MBNL2: variants seen among roughly 807,000 people sequenced by gnomAD.
The protein encoded by MBNL2 is muscleblind like splicing regulator 2, also known as muscleblind-like protein 2.
In MBNL2, 17 loss-of-function variants were observed where a neutral mutation model predicts 41.9. The observed-to-expected ratio is 0.41, with a 90% CI of 0.28 to 0.61. The LOEUF (loss-of-function observed/expected upper bound fraction) is 0.61. Among genes scored for constraint, MBNL2 ranks in the 20% least tolerant of loss-of-function variants. The pLI, the probability that MBNL2 is intolerant of heterozygous loss-of-function variation, is 0.35. For missense variants in MBNL2, 336 were observed against 505.6 expected (o/e 0.66, Z 3.22); for synonymous variants, 195 against 182.9 (o/e 1.07, Z -0.53).
rs1484290354 is a variant in MBNL2, at chr13:97,334,065, GT to G, written c.175-209del. Among the ~76,000 whole-genome samples the G allele has an allele frequency of 6.6e-6, 1 of 151,888 alleles. No individual in the cohort carries two copies. The highest frequency in any genetic ancestry group is 1.5e-5 in the Non-Finnish European group (1 of 67,990). Reference sequence around the variant, plus strand: ...CTCAGGAAGCTTCTCTACTTAACATGTTCTTAAGATTAGCAACCTTGATAAT... The same window carrying G: ...CTCAGGAAGCTTCTCTACTTAACATGTCTTAAGATTAGCAACCTTGATAAT... On this transcript the variant is annotated intron_variant, in intron 2 of 8. Transcript: ENST00000679496. The surrounding 1 kb of genome is among the most constrained non-coding windows in gnomAD (Gnocchi z 5.3).
intron 4 of MBNL2, among the ~76,000 whole-genome samples, chr13:97,345,359 T>C (rs1397775682): frequency 6.6e-6 from 1 of 152,240 alleles, no homozygotes; most frequent in Non-Finnish European, 1.5e-5. Flanking sequence ...ATAAGCAACA[T>C]GCATATGTTA....
the MBNL2 span, among the ~76,000 whole-genome samples, chr13:97,143,866 CAG>C: frequency 8.6e-5 from 13 of 152,002 alleles, no homozygotes; most frequent in African/African-American, 2.9e-4. Flanking sequence ...TTTTTTGAGA[CAG>C]AGTCTTGCTC....
chr13:97,258,703 C>CT (rs1322786211), intron 1 of MBNL2, among the ~76,000 whole-genome samples: 5 of 152,292 alleles, frequency 3.3e-5, no homozygotes, highest in Non-Finnish European at 4.4e-5. Flanking sequence ...AGGTTCTGTG[C>CT]TAGAATAATT....
the MBNL2 span, among the ~76,000 whole-genome samples, chr13:97,156,415 C>T: frequency 6.9e-5 from 10 of 145,596 alleles, no homozygotes; most frequent in African/African-American, 2.6e-4. Context: ...TCCCATTTGT[C>T]AATTTTGGCT....
At chr13:97,200,049 C>T in the MBNL2 span, among the ~76,000 whole-genome samples, 1 of 152,218 alleles carries the variant, frequency 6.6e-6, no homozygotes, top group African/African-American at 2.4e-5. Context: ...TAGGAGTCTA[C>T]ATTGATGAAT....
At chr13:97,238,764 G>T (rs970738657) in intron 1 of MBNL2, among the ~76,000 whole-genome samples, 4 of 152,196 alleles carry the variant, frequency 2.6e-5, no homozygotes, top group African/African-American at 7.2e-5. Flanking sequence ...AGCAAGTTTA[G>T]GTTGGAGGGC....
At chr13:97,186,217 T>C in the MBNL2 span, among the ~76,000 whole-genome samples, 25 of 152,318 alleles carry the variant, frequency 1.6e-4, no homozygotes, top group South Asian at 5.2e-3. Context: ...TTTAGACCCA[T>C]ACTTATTAGG....
At chr13:97,151,388 C>T in the MBNL2 span, among the ~76,000 whole-genome samples, 1 of 152,044 alleles carries the variant, frequency 6.6e-6, no homozygotes, top group African/African-American at 2.4e-5. Flanking sequence ...AAGTATATTT[C>T]TTCAAGGAGG....
chr13:97,230,974 A>G (rs2042301635), intron 1 of MBNL2, among the ~76,000 whole-genome samples: 1 of 152,226 alleles, frequency 6.6e-6, no homozygotes, highest in African/African-American at 2.4e-5. Context: ...ACCAATAATT[A>G]TCAATACTTC....
the MBNL2 span, among the ~76,000 whole-genome samples, chr13:97,182,320 A>G: frequency 6.6e-6 from 1 of 152,252 alleles, no homozygotes. Context: ...TGGACGAAGG[A>G]AGTCATAAAT....
the MBNL2 span, among the ~76,000 whole-genome samples, chr13:97,186,853 G>A: frequency 1.3e-5 from 2 of 152,158 alleles, no homozygotes; most frequent in Non-Finnish European, 2.9e-5. Context: ...AAAAAAGGGG[G>A]TGGAAAGGGT....
At chr13:97,374,062 C>CCTT (rs1594284568) in intron 8 of MBNL2, among the ~76,000 whole-genome samples, 2 of 53,398 alleles carry the variant, frequency 3.7e-5, no homozygotes, top group African/African-American at 1.5e-4. Context: ...TCCTCCTTTG[C>CCTT]ATTTTTTTTT....
intron 2 of MBNL2, among the ~76,000 whole-genome samples, chr13:97,303,187 T>C (rs2057800331): frequency 6.6e-6 from 1 of 152,098 alleles, no homozygotes; most frequent in African/African-American, 2.4e-5. Context: ...GGCTTTGGGA[T>C]CATGAGTTCC....
rs1192546543 is a variant in MBNL2, at chr13:97,268,299, A to C, written c.-604-7333A>C. ...CTATTTTTTGTAGACATGGGGTTTC[A>C]CCATGCTTTCCAGGCTGGTCTGGAA... On this transcript the variant is annotated intron_variant, in intron 1 of 8. Transcript: ENST00000679496. The surrounding 1 kb of genome is among the most constrained non-coding windows in gnomAD (Gnocchi z 4.6). Among the ~76,000 whole-genome samples the C allele has an allele frequency of 4.6e-5, 7 of 152,070 alleles. No homozygotes were observed. The highest frequency in any genetic ancestry group is 1.7e-4 in the African/African-American group (7 of 41,396).
chr13:97,353,440 T>G (rs1050014783), intron 5 of MBNL2, among the ~76,000 whole-genome samples: 2 of 152,172 alleles, frequency 1.3e-5, no homozygotes, highest in Admixed American at 1.3e-4. Flanking sequence ...ACAGGAGTGA[T>G]GAATAGAGTT....
At position 97,378,704 on chromosome 13, in the gene MBNL2, C is replaced by T. The variant is rs78408322; in HGVS notation, c.1049-12618C>T. On this transcript the variant is annotated intron_variant, in intron 8 of 8. Transcript: ENST00000679496. ...CCAACATACGGGGTGCCATACAGATCGTATAATATTTAAGTTAACCATAGT... is the reference window on the plus strand; with the variant it reads ...CCAACATACGGGGTGCCATACAGATTGTATAATATTTAAGTTAACCATAGT... 4.3e-3 allele frequency among the ~76,000 whole-genome samples: 647 copies of T among 151,778 alleles called. 5 individuals are homozygous for T. The highest frequency in any genetic ancestry group is 0.015 in the African/African-American group (619 of 41,342).
intron 1 of MBNL2, among the ~76,000 whole-genome samples, chr13:97,238,724 GGTGAGCAGAGAAGAGGCA>G (rs373146613): frequency 1.1e-3 from 175 of 152,300 alleles, no homozygotes; most frequent in African/African-American, 4.1e-3. Flanking sequence ...GGGAGATGGC[GGTGAGCAGAGAAGAGGCA>G]GGGATAAAGT....
chr13:97,327,328 G>T (rs183419325), intron 2 of MBNL2, among the ~76,000 whole-genome samples: 1 of 151,806 alleles, frequency 6.6e-6, no homozygotes, highest in East Asian at 1.9e-4. Context: ...ATACATCCCT[G>T]GTGTCACTTT....
At chr13:97,370,558 A>G (rs1309935219) in intron 8 of MBNL2, among the ~76,000 whole-genome samples, 3 of 151,724 alleles carry the variant, frequency 2.0e-5, no homozygotes, top group Non-Finnish European at 4.4e-5. Context: ...AATCCCAGCT[A>G]CTCGAGAGGG....
Sources: gnomAD v4.1 joint callset for allele counts (sites outside exome capture counted in the v4.1 genomes callset) on GRCh38, gnomAD v4.1.1 for gene constraint, Gnocchi (gnomAD v3.1) non-coding constraint, MANE v1.5 for transcripts, NCBI Gene and HGNC (gene_info 2026-07-23, HGNC 2026-07-21) for gene names.